RHCE: variants seen among roughly 807,000 people sequenced by gnomAD.
The protein encoded by RHCE is Rh blood group CcEe antigens, also known as blood group Rh(CE) polypeptide.
A neutral mutation model predicts 43.8 loss-of-function variants in RHCE; 22 were observed. That is an observed-to-expected ratio of 0.50 (90% CI 0.36 to 0.72). The LOEUF (loss-of-function observed/expected upper bound fraction) is 0.72. RHCE is among the 30% of genes least tolerant of loss of function. The pLI is 0.00. For synonymous variants in RHCE, 156 were observed against 210.7 expected, an observed-to-expected ratio of 0.74 and a Z score of 2.25; for missense variants, 385 against 525.4, an observed-to-expected ratio of 0.73 and a Z score of 2.61.
intron 6 of RHCE, among the ~76,000 whole-genome samples, chr1:25,386,442 C>T (rs886317993): frequency 4.6e-5 from 7 of 152,236 alleles, no homozygotes; most frequent in Non-Finnish European, 1.0e-4. Context: ...CTCAGCCTCC[C>T]ACACAGCCAT....
At chr1:25,398,746 C>T in intron 3 of RHCE, 1 of 1,598,782 alleles carries the variant, frequency 6.3e-7, no homozygotes, top group Middle Eastern at 2.2e-4. Context: ...AGGCTGAGTG[C>T]CGTTTGCGGT....
intron 7 of RHCE, among the ~76,000 whole-genome samples, chr1:25,382,623 G>C (rs1160344710): frequency 6.6e-6 from 1 of 151,952 alleles, no homozygotes; most frequent in African/African-American, 2.4e-5. Flanking sequence ...CAGACCCTCA[G>C]CTCAACACAT....
chr1:25,404,957 G>T, intron 2 of RHCE, among the ~76,000 whole-genome samples: 1 of 151,630 alleles, frequency 6.6e-6, no homozygotes. Context: ...TTGGGAGGCT[G>T]AGGTGGGAGG....
rs186734016 is a variant in RHCE at position 25,402,100 on chromosome 1, C to T, written c.486+496G>A. On this transcript the variant is annotated intron_variant, in intron 3 of 9. Transcript: ENST00000294413. The stretch of plus-strand genomic sequence containing the variant: ...CCATGTTGACCAGGCTGGTCTTGAA[C>T]TCCTGACCTCAGGTGATCTGCCCTC... Among the ~76,000 whole-genome samples, 724 of 152,184 alleles carry T rather than the reference C, an allele frequency of 4.8e-3. 4 individuals are homozygous for T. The highest frequency in any genetic ancestry group is 0.017 in the African/African-American group (691 of 41,518).
chr1:25,371,387 T>C, intron 8 of RHCE, among the ~76,000 whole-genome samples: 1 of 151,480 alleles, frequency 6.6e-6, no homozygotes, highest in East Asian at 1.9e-4. Context: ...TTTTTTATTT[T>C]TGGAACAGGG....
At chr1:25,425,393 T>G (rs1425618510), upstream of RHCE, among the ~76,000 whole-genome samples, 1 of 152,058 alleles carries the variant, frequency 6.6e-6, no homozygotes, top group African/African-American at 2.4e-5. Flanking sequence ...CTCAGAGAGG[T>G]GGCGTGAGTA....
At chr1:25,427,584 A>T (rs2042814763) in intron 2 of RHCE, among the ~76,000 whole-genome samples, 1 of 152,216 alleles carries the variant, frequency 6.6e-6, no homozygotes, top group Admixed American at 6.5e-5. Flanking sequence ...GGTCATGGAA[A>T]AAAGAGCTGG....
At chr1:25,370,721 CTATTT>C (rs71014358) in intron 8 of RHCE, among the ~76,000 whole-genome samples, 181 bp from the exon 9 acceptor site, 12,032 of 141,210 alleles carry the variant, frequency 0.085, 955 homozygotes, top group African/African-American at 0.19. Context: ...ATTCTGTAGA[CTATTT>C]TATTTTATTT....
upstream of RHCE, among the ~76,000 whole-genome samples, chr1:25,424,919 C>A (rs948680949): frequency 5.9e-5 from 9 of 151,930 alleles, no homozygotes; most frequent in African/African-American, 2.2e-4. Context: ...TAGGTTCAAG[C>A]GATTCTCCTT....
Position 25,392,042 on chromosome 1 carries a change from C to T in RHCE, c.586G>A (p.Glu196Lys), listed in dbSNP as rs747674448. Residue 196 changes from glutamate to lysine, a missense_variant, in exon 4 of 10, where the codon GAG becomes AAG. Around this residue, in one of 6 missense-constraint regions of RHCE, gnomAD observed 110 missense variants for 103.4 expected, o/e 1.06. Coordinates refer to ENST00000294413, the MANE Select transcript of RHCE (RefSeq NM_020485.8). ...CLPKPLPKGT[E>K]DNDQRATIPS... ...ATCGTTGCTCTCTGATCATTATCCT[C>T]CGTTCCCTTGGGTAGAGGCTTTGGC... 3 of 1,614,188 alleles carry T rather than the reference C, an allele frequency of 1.9e-6. No homozygotes were observed. The South Asian group carries it at 3.3e-5, about 18-fold the overall frequency.
At position 25,406,914 on chromosome 1, in the gene RHCE, C is replaced by T. The variant is rs190290858; in HGVS notation, c.335+1769G>A. Among the ~76,000 whole-genome samples the T allele has an allele frequency of 5.5e-4, 66 of 120,748 alleles. 5 individuals are homozygous for T. The highest frequency in any genetic ancestry group is 1.6e-3 in the African/African-American group (64 of 39,250). The allele number at this position is 120,748 out of a possible 152,430, so 79.2% of individuals were successfully genotyped here. A position where few individuals can be genotyped will look rare whatever the true frequency, so the allele number is the denominator to read the frequency against. On this transcript the variant is annotated intron_variant, in intron 2 of 9. Transcript: ENST00000294413. ...TGCTGGGATTACAGGCATGAGCCAC[C>T]GCGCCCGGCCCCTAAAACTGTTTTT...
chr1:25,424,598 G>A (rs193240941), upstream of RHCE, among the ~76,000 whole-genome samples: 1 of 152,126 alleles, frequency 6.6e-6, no homozygotes, highest in East Asian at 1.9e-4. Context: ...ACATTGGCCT[G>A]GCTGGTCTTG....
chr1:25,393,317 G>A (rs1646438092), intron 3 of RHCE, among the ~76,000 whole-genome samples: 1 of 152,070 alleles, frequency 6.6e-6, no homozygotes, highest in African/African-American at 2.4e-5. Flanking sequence ...CAGACAGAGT[G>A]ACCCTGTTAA....
chr1:25,428,105 G>A lies in RHCE; in HGVS notation c.-40+848C>T, dbSNP rs115590697. On this transcript the variant is annotated intron_variant, in intron 2 of 11. Transcript: ENST00000349320. ...CCGCACTTTTGCCACAGCATGAGAT[G>A]CCCTGTCAGGGTCTATTTAATAGTA... is the stretch of plus-strand genomic sequence containing the variant. Among the ~76,000 whole-genome samples the A allele has an allele frequency of 5.4e-3, 815 of 152,310 alleles. 6 individuals are homozygous for A. The highest frequency in any genetic ancestry group is 0.018 in the African/African-American group (748 of 41,560).
intron 3 of RHCE, 85 bp downstream of exon 3, chr1:25,402,511 T>C: frequency 6.2e-7 from 1 of 1,609,814 alleles, no homozygotes; most frequent in Admixed American, 1.7e-5. Flanking sequence ...CAGGTTGTCT[T>C]TATTTTTCAA....
At chr1:25,377,568 TAAG>T (rs1018486073) in intron 7 of RHCE, among the ~76,000 whole-genome samples, 3 of 152,002 alleles carry the variant, frequency 2.0e-5, no homozygotes, top group Non-Finnish European at 4.4e-5. Flanking sequence ...ATATTAAAAT[TAAG>T]AACCTCCTTG....
chr1:25,388,459 T>C (rs1646253170), intron 6 of RHCE, among the ~76,000 whole-genome samples: 1 of 137,894 alleles, frequency 7.3e-6, no homozygotes, highest in Non-Finnish European at 1.5e-5. Context: ...ATGCACGATG[T>C]GCCCACCCCC....
chr1:25,372,750 AT>A (rs1172297538), intron 8 of RHCE, among the ~76,000 whole-genome samples: 5 of 151,690 alleles, frequency 3.3e-5, no homozygotes, highest in African/African-American at 1.2e-4. Flanking sequence ...CTGGGAGTCC[AT>A]TTGGTGCAAT....
At chr1:25,411,041 G>C (rs1647057933) in intron 1 of RHCE, among the ~76,000 whole-genome samples, 1 of 151,976 alleles carries the variant, frequency 6.6e-6, no homozygotes, top group Admixed American at 6.5e-5. Flanking sequence ...GCAGTGAGCT[G>C]AGACCGCACC....
Sources: gnomAD v4.1 joint callset for allele counts (sites outside exome capture counted in the v4.1 genomes callset) on GRCh38, gnomAD v4.1.1 for gene constraint, gnomAD v4.1.1 regional missense constraint, MANE v1.5 for transcripts, NCBI Gene and HGNC (gene_info 2026-07-23, HGNC 2026-07-21) for gene names.